Variants in MSI2 observed in about 807,000 individuals in gnomAD.
MSI2 encodes the protein musashi RNA binding protein 2.
Under a neutral mutation model 45.6 loss-of-function variants are expected in MSI2, and 17 were observed. The observed-to-expected ratio is 0.37, with a 90% CI of 0.26 to 0.56. MSI2 has a LOEUF of 0.56. Among genes scored for constraint, MSI2 ranks in the 20% least tolerant of loss-of-function variants. MSI2 has a pLI of 0.77. For missense variants in MSI2, 293 were observed against 444.2 expected (o/e 0.66, Z 3.06); for synonymous variants, 156 against 158.2 (o/e 0.99, Z 0.11).
At chr17:57,633,355 T>C (rs115504499) in intron 10 of MSI2, among the ~76,000 whole-genome samples, 4 of 152,368 alleles carry the variant, frequency 2.6e-5, no homozygotes, top group African/African-American at 9.6e-5. Context: ...GCATCCCCTG[T>C]ACTTGCTTGA....
chr17:57,297,077 C>G (rs1911023344), intron 5 of MSI2, among the ~76,000 whole-genome samples: 1 of 151,792 alleles, frequency 6.6e-6, no homozygotes, highest in African/African-American at 2.4e-5. Context: ...GTTTCACCAT[C>G]TTGGCCAGGC....
At chr17:57,633,040 T>C in intron 10 of MSI2, 1 of 1,042,676 alleles carries the variant, frequency 9.6e-7, no homozygotes, top group East Asian at 5.7e-5. Context: ...GAACTTGTCC[T>C]AGTATGCTTG....
chr17:57,589,185 T>C (rs1029607131), intron 7 of MSI2, among the ~76,000 whole-genome samples: 2 of 152,134 alleles, frequency 1.3e-5, no homozygotes, highest in Admixed American at 6.5e-5. Flanking sequence ...CAATCCCTAG[T>C]GTCTGAAAAC....
intron 6 of MSI2, among the ~76,000 whole-genome samples, chr17:57,427,954 A>G (rs1448389883): frequency 1.3e-5 from 2 of 152,096 alleles, no homozygotes; most frequent in Admixed American, 6.6e-5. Flanking sequence ...AGATATTACT[A>G]TATATTATAT....
intron 5 of MSI2, among the ~76,000 whole-genome samples, chr17:57,341,633 T>C (rs992371519): frequency 1.3e-5 from 2 of 152,264 alleles, no homozygotes; most frequent in Admixed American, 6.5e-5. Context: ...TAGCAAGTGG[T>C]AGCACTACGT....
At chr17:57,688,160 A>C (rs1567980452), downstream of MSI2, among the ~76,000 whole-genome samples, 1 of 152,178 alleles carries the variant, frequency 6.6e-6, no homozygotes, top group African/African-American at 2.4e-5. Context: ...TGCTGCTGTC[A>C]CTATTATTAC....
chr17:57,529,813 T>A lies in MSI2; in HGVS notation c.454+89T>A. The A allele has an allele frequency of 9.0e-7, 1 of 1,111,892 alleles. No homozygotes were observed. The highest frequency in any genetic ancestry group is 1.3e-6 in the Non-Finnish European group (1 of 752,940). 68.9% of individuals were successfully genotyped at this position (1,111,892 alleles called of 1,614,324 possible). ...CCAGTCCCACTGACAAAAGATACAG[T>A]GAAGAGTCCAGAGTCAAGCAGGTAG... On this transcript the variant is annotated intron_variant, in intron 7 of 13. Transcript: ENST00000284073. This position sits in a 1 kb window ranked among gnomAD's most constrained non-coding sequence, Gnocchi z 5.3.
chr17:57,535,010 G>A (rs1031485490), intron 7 of MSI2, among the ~76,000 whole-genome samples: 3 of 152,204 alleles, frequency 2.0e-5, no homozygotes, highest in Non-Finnish European at 2.9e-5. Flanking sequence ...GGGCTGGAGG[G>A]GAGGGACAGG....
intron 5 of MSI2, among the ~76,000 whole-genome samples, chr17:57,297,306 C>T (rs1250609015): frequency 6.6e-6 from 1 of 151,470 alleles, no homozygotes; most frequent in Non-Finnish European, 1.5e-5. Context: ...GTGAATATTG[C>T]AGTAAAGCTA....
At chr17:57,609,102 T>TC (rs1906969627) in intron 8 of MSI2, among the ~76,000 whole-genome samples, 2 of 151,960 alleles carry the variant, frequency 1.3e-5, no homozygotes, top group African/African-American at 4.8e-5. Flanking sequence ...GAGTAGCATC[T>TC]CCCCTCCTCT....
At chr17:57,441,092 G>A (rs1052088172) in intron 6 of MSI2, among the ~76,000 whole-genome samples, 1 of 152,172 alleles carries the variant, frequency 6.6e-6, no homozygotes, top group African/African-American at 2.4e-5. Context: ...AGGCAGTGAC[G>A]CTGGTAACCC....
At position 57,422,910 on chromosome 17, in the gene MSI2, A is replaced by G. The variant is rs185093333; in HGVS notation, c.405+21439A>G. Among the ~76,000 whole-genome samples the G allele has an allele frequency of 2.7e-3, 414 of 152,306 alleles. 3 individuals are homozygous for G. Among genetic ancestry groups the G allele is most frequent in the African/African-American group, 9.6e-3 (399 of 41,572 alleles). ...GTGGATGCATCATTGGTGGCAGGGC[A>G]CCATGGGTTTCTTTCTTTGTCCAGA... On this transcript the variant is annotated intron_variant, in intron 6 of 13. Transcript: ENST00000284073.
At chr17:57,539,010 C>T (rs774234046) in intron 7 of MSI2, among the ~76,000 whole-genome samples, 1 of 152,186 alleles carries the variant, frequency 6.6e-6, no homozygotes, top group Non-Finnish European at 1.5e-5. Context: ...TCTGCCCATA[C>T]TAAACACTCA....
intron 5 of MSI2, among the ~76,000 whole-genome samples, chr17:57,281,289 A>G: frequency 6.6e-6 from 1 of 152,134 alleles, no homozygotes; most frequent in East Asian, 1.9e-4. Flanking sequence ...TGAGGGATAT[A>G]GTGTCAGTTC....
At chr17:57,498,719 A>T (rs2086031962) in intron 6 of MSI2, among the ~76,000 whole-genome samples, 1 of 152,136 alleles carries the variant, frequency 6.6e-6, no homozygotes, top group African/African-American at 2.4e-5. Context: ...GAAATCCCCT[A>T]GTTGCAATTC....
chr17:57,427,451 T>C (rs2084514810), intron 6 of MSI2, among the ~76,000 whole-genome samples: 1 of 151,718 alleles, frequency 6.6e-6, no homozygotes, highest in Non-Finnish European at 1.5e-5. Context: ...AAGGCAGGAA[T>C]GTGTACAGGA....
chr17:57,643,253 G>GC (rs1379929312), intron 10 of MSI2, among the ~76,000 whole-genome samples: 1 of 152,202 alleles, frequency 6.6e-6, no homozygotes, highest in African/African-American at 2.4e-5. Context: ...GGATGAAAAT[G>GC]CCCCCTCTCA....
At chr17:57,582,376 T>C (rs1427175303) in intron 7 of MSI2, among the ~76,000 whole-genome samples, 2 of 152,134 alleles carry the variant, frequency 1.3e-5, no homozygotes, top group Non-Finnish European at 2.9e-5. Context: ...ATAAAACCTA[T>C]ACAAATAGGA....
At chr17:57,599,747 A>G (rs1021612082) in intron 8 of MSI2, among the ~76,000 whole-genome samples, 13 of 152,236 alleles carry the variant, frequency 8.5e-5, no homozygotes, top group African/African-American at 3.1e-4. Flanking sequence ...ATGAGCTCCA[A>G]GGTGGGGAGT....
Sources: gnomAD v4.1 joint callset for allele counts (sites outside exome capture counted in the v4.1 genomes callset) on GRCh38, gnomAD v4.1.1 for gene constraint, Gnocchi (gnomAD v3.1) non-coding constraint, MANE v1.5 for transcripts, NCBI Gene and HGNC (gene_info 2026-07-23, HGNC 2026-07-21) for gene names.